The following GABRA3 variants were observed in gnomAD, a reference collection of about 807,000 sequenced individuals.
The protein encoded by GABRA3 is gamma-aminobutyric acid type A receptor subunit alpha3.
GABRA3 carries 10 observed loss-of-function variants against 30.1 expected under a neutral mutation model. The ratio of observed to expected loss-of-function variants is 0.33; its 90% CI spans 0.20 to 0.56. The LOEUF (loss-of-function observed/expected upper bound fraction) is 0.56. GABRA3 is among the 20% of genes least tolerant of loss of function. The probability of loss-of-function intolerance (pLI) is 0.89; values close to 1 mark genes in which losing one functional copy is unlikely to be tolerated. For missense variants in GABRA3, 233 were observed against 392.0 expected (o/e 0.59, Z 3.42); for synonymous variants, 151 against 146.8 (o/e 1.03, Z -0.21).
At chrX:152,198,010 T>C (rs180932089) in intron 7 of GABRA3, among the ~76,000 whole-genome samples, 10 of 110,774 alleles carry the variant, frequency 9.0e-5, no homozygotes, top group African/African-American at 2.3e-4. Context: ...TCGGAACAAT[T>C]TTGACACAAT....
intron 3 of GABRA3, among the ~76,000 whole-genome samples, chrX:152,288,507 C>T (rs1460505916): frequency 1.8e-5 from 2 of 112,310 alleles, no homozygotes; most frequent in Non-Finnish European, 3.8e-5. Flanking sequence ...TTAGCTAATG[C>T]TGCTGCTTAA....
intron 1 of GABRA3, among the ~76,000 whole-genome samples, chrX:152,437,356 C>T (rs925322974): frequency 5.4e-5 from 6 of 111,474 alleles, no homozygotes; most frequent in Non-Finnish European, 1.1e-4. Context: ...TAAGAGAAAT[C>T]AAAGAAGATC....
intron 8 of GABRA3, among the ~76,000 whole-genome samples, chrX:152,191,880 C>T (rs975015658): frequency 1.3e-4 from 15 of 111,749 alleles, no homozygotes; most frequent in African/African-American, 4.6e-4. Context: ...TGCCACATAG[C>T]TAATACTTAT....
At chrX:152,383,035 G>T in intron 1 of GABRA3, among the ~76,000 whole-genome samples, 1 of 110,762 alleles carries the variant, frequency 9.0e-6, no homozygotes, top group Non-Finnish European at 1.9e-5. Context: ...TAAATTTAAT[G>T]ATTTTTTTTC....
At chrX:152,325,213 AGACT>A (rs1290044544) in intron 3 of GABRA3, among the ~76,000 whole-genome samples, 1 of 112,126 alleles carries the variant, frequency 8.9e-6, no homozygotes, top group Non-Finnish European at 1.9e-5. Context: ...AGGTCAAAAA[AGACT>A]ACATATGAAA....
chrX:152,356,502 A>G (rs1940551160), intron 2 of GABRA3, among the ~76,000 whole-genome samples: 1 of 111,938 alleles, frequency 8.9e-6, no homozygotes, highest in African/African-American at 3.2e-5. Context: ...TATACTTTAA[A>G]ATTATATTGG....
At position 152,399,687 on chromosome X, in the gene GABRA3, A is replaced by T. The variant is rs140971037; in HGVS notation, c.-26-35091T>A. Among the ~76,000 whole-genome samples, 663 of 112,113 alleles carry T rather than the reference A, an allele frequency of 5.9e-3. 2 individuals carry two copies. Among genetic ancestry groups the T allele is most frequent in the South Asian group, 0.016 (42 of 2,689 alleles). ...TGTCACACTAGCAGATTTGCATATT[A>T]GAGAGAGCTTTCTGATTGCTAGATA... On this transcript the variant is annotated intron_variant, in intron 1 of 9. Transcript: ENST00000370314.
chrX:152,253,134 A>G (rs1316706044), intron 5 of GABRA3, among the ~76,000 whole-genome samples: 1 of 111,247 alleles, frequency 9.0e-6, no homozygotes, highest in African/African-American at 3.3e-5. Context: ...GGTTTCTTTC[A>G]TAGGTTCCTC....
chrX:152,219,638 A>G (rs1039562012), intron 6 of GABRA3, among the ~76,000 whole-genome samples: 5 of 111,517 alleles, frequency 4.5e-5, no homozygotes, highest in African/African-American at 1.6e-4. Flanking sequence ...GTGTCAGGAC[A>G]GAAGTACATA....
At chrX:152,415,473 C>A (rs1409673866) in intron 1 of GABRA3, among the ~76,000 whole-genome samples, 1 of 111,052 alleles carries the variant, frequency 9.0e-6, no homozygotes, top group Non-Finnish European at 1.9e-5. Flanking sequence ...ACGGATACTA[C>A]TATAAAGGAG....
intron 1 of GABRA3, among the ~76,000 whole-genome samples, chrX:152,445,060 C>CAAAAAAA (rs1204814043): frequency 5.3e-5 from 1 of 18,716 alleles, no homozygotes; most frequent in Non-Finnish European, 1.0e-4. Flanking sequence ...GACTCCGTCT[C>CAAAAAAA]AAAAAAAAAA....
chrX:152,435,141 C>T (rs909017686), intron 1 of GABRA3, among the ~76,000 whole-genome samples: 3 of 111,974 alleles, frequency 2.7e-5, no homozygotes, highest in Non-Finnish European at 3.8e-5. Flanking sequence ...AGACAGCATA[C>T]TCATCTGTGT....
At position 152,199,132 on chromosome X, in the gene GABRA3, C is replaced by T. The variant is rs775513225; in HGVS notation, c.779-1347G>A. ...CTGTAATCCCAGCACTTTGGGAGGC[C>T]AAGGCGGGCAGATTACGAGGTCAGG... On this transcript the variant is annotated intron_variant, in intron 7 of 9. Coordinates refer to ENST00000370314, the MANE Select transcript of GABRA3 (RefSeq NM_000808.4). Among the ~76,000 whole-genome samples the T allele has an allele frequency of 4.1e-3, 458 of 110,788 alleles. 2 individuals are homozygous for T. Among genetic ancestry groups the T allele is most frequent in the South Asian group, 7.0e-3 (18 of 2,588 alleles).
intron 9 of GABRA3, among the ~76,000 whole-genome samples, chrX:152,184,249 A>C (rs766283099): frequency 9.0e-6 from 1 of 110,742 alleles, no homozygotes; most frequent in Admixed American, 9.7e-5. Flanking sequence ...TTTTTAGTTT[A>C]TTTGCCTGTT....
intron 3 of GABRA3, among the ~76,000 whole-genome samples, chrX:152,289,366 T>A (rs1008393865): frequency 1.8e-5 from 2 of 109,983 alleles, no homozygotes; most frequent in Non-Finnish European, 3.8e-5. Flanking sequence ...AAATATATAT[T>A]TAAAAGCTTC....
chrX:152,345,542 A>T, intron 3 of GABRA3, 39 bp downstream of exon 3: 1 of 1,179,620 alleles, frequency 8.5e-7, no homozygotes, highest in Non-Finnish European at 1.1e-6. Flanking sequence ...GCCAAGAAGA[A>T]GATCTGAAAA....
At chrX:152,251,208 A>C (rs1031284194) in intron 5 of GABRA3, 2 of 273,632 alleles carry the variant, frequency 7.3e-6, no homozygotes, top group Non-Finnish European at 1.4e-5. Flanking sequence ...GGCATTCTAC[A>C]TAGACTCTAA....
At chrX:152,413,088 A>C (rs1265287484) in intron 1 of GABRA3, among the ~76,000 whole-genome samples, 1 of 111,397 alleles carries the variant, frequency 9.0e-6, no homozygotes, top group East Asian at 2.8e-4. Context: ...AAAGACAAAA[A>C]CAAAAAATTT....
intron 1 of GABRA3, among the ~76,000 whole-genome samples, chrX:152,391,983 A>G (rs189977315): frequency 0.011 from 1,185 of 111,944 alleles, 11 homozygotes; most frequent in Non-Finnish European, 0.018. Context: ...TCACAACTCT[A>G]TGAGGTATTA....
Sources: gnomAD v4.1 joint callset for allele counts (sites outside exome capture counted in the v4.1 genomes callset) on GRCh38, gnomAD v4.1.1 for gene constraint, MANE v1.5 for transcripts, NCBI Gene and HGNC (gene_info 2026-07-23, HGNC 2026-07-21) for gene names.